The following PLCE1 variants were observed in gnomAD, a reference collection of about 807,000 sequenced individuals.
PLCE1 encodes 1-phosphatidylinositol 4,5-bisphosphate phosphodiesterase epsilon-1.
A neutral mutation model predicts 242.8 loss-of-function variants in PLCE1; 119 were observed. That is an observed-to-expected ratio of 0.49 (90% CI 0.42 to 0.57). The LOEUF is 0.57. Among genes scored for constraint, PLCE1 ranks in the 20% least tolerant of loss-of-function variants. PLCE1 has a pLI of 0.00. For synonymous variants in PLCE1, 945 were observed against 1,017.4 expected (o/e 0.93, Z 1.35); for missense variants, 2,441 against 2,788.8 (o/e 0.88, Z 2.81).
chr10:94,289,741 C>T (rs1325016214), intron 22 of PLCE1, among the ~76,000 whole-genome samples: 1 of 150,144 alleles, frequency 6.7e-6, no homozygotes, highest in Non-Finnish European at 1.5e-5. Flanking sequence ...ATGAAGCTTG[C>T]AAGACTGGAA....
intron 13 of PLCE1, among the ~76,000 whole-genome samples, chr10:94,259,861 G>C (rs905527738): frequency 2.0e-5 from 3 of 152,148 alleles, no homozygotes; most frequent in African/African-American, 7.2e-5. Context: ...TACAATCATG[G>C]AAGAAGATGA....
chr10:94,154,368 A>C (rs530113781), intron 3 of PLCE1, among the ~76,000 whole-genome samples: 23 of 152,196 alleles, frequency 1.5e-4, no homozygotes, highest in Non-Finnish European at 3.2e-4. Flanking sequence ...TATAAAACTC[A>C]TAGAAAATAT....
At position 94,019,591 on chromosome 10, in the gene PLCE1, C is replaced by T. The variant is rs142743436; in HGVS notation, c.-364-11092C>T. Among the ~76,000 whole-genome samples the T allele has an allele frequency of 4.4e-3, 666 of 152,304 alleles. 2 individuals are homozygous for T. Among genetic ancestry groups the T allele is most frequent in the African/African-American group, 0.013 (559 of 41,554 alleles). ...ATGATGGAAATGTTCTCTATATCTC[C>T]GCTGTCCAATATGTTTGCCACTAGC... is the stretch of plus-strand genomic sequence containing the variant. On this transcript the variant is annotated intron_variant, in intron 1 of 32. Coordinates refer to ENST00000371380, the MANE Select transcript of PLCE1 (RefSeq NM_016341.4).
chr10:94,102,176 A>G (rs961764620), intron 2 of PLCE1, among the ~76,000 whole-genome samples: 8 of 152,200 alleles, frequency 5.3e-5, no homozygotes, highest in Non-Finnish European at 1.0e-4. Flanking sequence ...CATTATCTAC[A>G]TTATTCACAG....
At chr10:94,315,259 A>G (rs1262982215) in intron 28 of PLCE1, 8 of 371,258 alleles carry the variant, frequency 2.2e-5, no homozygotes, top group Non-Finnish European at 3.7e-5. Context: ...AGTCCATCAC[A>G]TTCTGCTTTT....
chr10:94,016,593 C>T (rs75378128), intron 1 of PLCE1, among the ~76,000 whole-genome samples: 4,375 of 152,120 alleles, frequency 0.029, 196 homozygotes, highest in African/African-American at 0.096. Context: ...GGATGCTTAA[C>T]CTGTGTTTTG....
chr10:94,252,176 T>A, intron 8 of PLCE1, 140 bp from the exon 9 acceptor site: 1 of 718,582 alleles, frequency 1.4e-6, no homozygotes, highest in South Asian at 1.7e-5. Context: ...TAGAAAACAG[T>A]CACTTGGGTG....
chr10:94,200,766 A>G (rs1385779617), intron 4 of PLCE1, among the ~76,000 whole-genome samples: 3 of 152,188 alleles, frequency 2.0e-5, no homozygotes, highest in African/African-American at 4.8e-5. Context: ...ACAGGGACAC[A>G]TTCTGTTGAT....
At position 94,252,430 on chromosome 10, in the gene PLCE1, C is replaced by G. The variant is rs530440610; in HGVS notation, c.3211C>G (p.Pro1071Ala). ...AACATCAGCAAAGAATGCTGAGAAGCCCAATATGCAGAGAAACAATACCCT... is the reference window on the plus strand; with the variant it reads ...AACATCAGCAAAGAATGCTGAGAAGGCCAATATGCAGAGAAACAATACCCT... ...PGTSAKNAEK[P>A]NMQRNNTLGI... Residue 1071 changes from proline to alanine, a missense_variant, in exon 9 of 33, where the codon CCC (proline) becomes GCC (alanine). Pro to Ala is a conservative substitution (Grantham distance 27). This residue lies in a region of PLCE1 where 1,004 missense variants were observed against 1,322.7 expected (regional missense o/e 0.76). Transcript: ENST00000371380. 1.9e-6 allele frequency: 3 copies of G among 1,613,944 alleles called. No individual in the cohort carries two copies. Among genetic ancestry groups the G allele is most frequent in the Non-Finnish European group, 2.5e-6 (3 of 1,179,964 alleles).
At chr10:94,053,392 T>A (rs1359723295) in intron 2 of PLCE1, among the ~76,000 whole-genome samples, 1 of 152,250 alleles carries the variant, frequency 6.6e-6, no homozygotes, top group East Asian at 1.9e-4. Flanking sequence ...AGATCTTTAG[T>A]ACAGGAATGT....
rs186505336 is a variant in PLCE1 at position 94,228,772 on chromosome 10, T to C, written c.1955+1321T>C. On this transcript the variant is annotated intron_variant, in intron 5 of 32. Transcript: ENST00000371380. The stretch of plus-strand genomic sequence containing the variant: ...TTGACATTTAAAATAGTCATACAAA[T>C]GCATCAGGCATGGCTCAAAAGAAGG... Among the ~76,000 whole-genome samples the C allele has an allele frequency of 1.8e-3, 279 of 151,488 alleles. 1 individual carries two copies. The highest frequency in any genetic ancestry group is 3.5e-3 in the Admixed American group (53 of 15,238).
chr10:94,003,021 C>T (rs915859948), intron 1 of PLCE1, among the ~76,000 whole-genome samples: 5 of 152,292 alleles, frequency 3.3e-5, no homozygotes, highest in Middle Eastern at 3.4e-3. Flanking sequence ...TGGAGAAGTT[C>T]TGTGTCTTAC....
chr10:94,291,760 G>T (rs2052653581), intron 22 of PLCE1, among the ~76,000 whole-genome samples: 1 of 152,140 alleles, frequency 6.6e-6, no homozygotes, highest in Non-Finnish European at 1.5e-5. Context: ...AAAATTAGTG[G>T]TGCACACCTG....
Position 94,095,375 on chromosome 10 carries a change from G to T in PLCE1, c.1207-36799G>T, listed in dbSNP as rs908725613. On this transcript the variant is annotated intron_variant, in intron 2 of 32. Transcript: ENST00000371380. ...ATTGTTTTGCTTTGGTTTCGGTTTT[G>T]AGACAGGATCTCTCTCTGTCACCCA... Among the ~76,000 whole-genome samples, 69 of 151,536 alleles carry T rather than the reference G, an allele frequency of 4.6e-4. 3 individuals are homozygous for T. The highest frequency in any genetic ancestry group is 2.9e-5 in the Non-Finnish European group (2 of 67,956).
intron 11 of PLCE1, among the ~76,000 whole-genome samples, chr10:94,255,833 G>C (rs1277092086): frequency 6.7e-6 from 1 of 148,886 alleles, no homozygotes; most frequent in Non-Finnish European, 1.5e-5. Flanking sequence ...GAGATGTGGA[G>C]GTTCCAGACA....
chr10:94,016,147 C>T (rs2061276863), intron 1 of PLCE1, among the ~76,000 whole-genome samples: 1 of 152,002 alleles, frequency 6.6e-6, no homozygotes, highest in Admixed American at 6.6e-5. Flanking sequence ...TAAAACATAA[C>T]ATTTAGAACT....
chr10:94,273,141 A>C (rs948193591), intron 18 of PLCE1, among the ~76,000 whole-genome samples: 2 of 152,148 alleles, frequency 1.3e-5, no homozygotes, highest in Non-Finnish European at 1.5e-5. Context: ...TCTTTACACT[A>C]TGTGGACGCA....
intron 4 of PLCE1, among the ~76,000 whole-genome samples, chr10:94,206,903 T>C (rs1284181027): frequency 6.6e-6 from 1 of 152,244 alleles, no homozygotes; most frequent in Non-Finnish European, 1.5e-5. Flanking sequence ...TTTACAACTT[T>C]AAAGTACAGC....
intron 4 of PLCE1, among the ~76,000 whole-genome samples, chr10:94,184,655 C>G (rs905127955): frequency 6.6e-6 from 1 of 152,164 alleles, no homozygotes; most frequent in Non-Finnish European, 1.5e-5. Flanking sequence ...ATACACTCAC[C>G]CCTCTCTCTG....
Sources: allele counts gnomAD v4.1 joint callset (sites outside exome capture counted in the v4.1 genomes callset), GRCh38; gene constraint gnomAD v4.1.1; regional missense constraint gnomAD v4.1.1; transcripts MANE v1.5; gene names NCBI Gene and HGNC (gene_info 2026-07-23, HGNC 2026-07-21).